The following MAS1 variants were observed in gnomAD, a reference collection of about 807,000 sequenced individuals.
MAS1 encodes the protein proto-oncogene Mas.
For synonymous variants in MAS1, 163 were observed against 164.2 expected (o/e 0.99, Z 0.05); for missense variants, 387 against 409.7 (o/e 0.94, Z 0.48).
At chr6:159,903,988 G>T (rs566347867) in intron 2 of MAS1, among the ~76,000 whole-genome samples, 1 of 152,088 alleles carries the variant, frequency 6.6e-6, no homozygotes, top group African/African-American at 2.4e-5. Flanking sequence ...ATCAAGTTCC[G>T]GGTCTCAGCC....
intron 1 of MAS1, among the ~76,000 whole-genome samples, chr6:159,895,741 CT>C (rs1782748124): frequency 6.6e-6 from 1 of 152,114 alleles, no homozygotes; most frequent in South Asian, 2.1e-4. Flanking sequence ...CATATATATG[CT>C]GTGAAAAAAA....
chr6:159,896,059 A>G (rs1190089876), intron 1 of MAS1, among the ~76,000 whole-genome samples: 2 of 152,386 alleles, frequency 1.3e-5, no homozygotes, highest in East Asian at 3.8e-4. Flanking sequence ...CTGTAATCCC[A>G]GCACTGCGGG....
At chr6:159,892,408 C>A (rs568194057) in intron 1 of MAS1, among the ~76,000 whole-genome samples, 5 of 152,324 alleles carry the variant, frequency 3.3e-5, no homozygotes, top group Admixed American at 6.5e-5. Flanking sequence ...GCCCACTCCC[C>A]CAGCCTGAGT....
rs1782944873 is a variant in MAS1, at chr6:159,909,800, C to A, written c.*1867C>A. On this transcript the variant is annotated 3_prime_UTR_variant, in exon 3 of 3. Transcript: ENST00000674077. Reference sequence around the variant, plus strand: ...ACTATCAGATACAAGGAATTTCTACCTAAGGAAAATATGGTGAACTAATAG... The same window carrying A: ...ACTATCAGATACAAGGAATTTCTACATAAGGAAAATATGGTGAACTAATAG... 6.6e-6 allele frequency: 1 copy of A among 152,058 alleles called. No individual in the cohort carries two copies. The highest frequency in any genetic ancestry group is 2.1e-4 in the South Asian group (1 of 4,822). The allele number at this position is 152,058 out of a possible 1,614,324, so 9.4% of individuals were successfully genotyped here. A position where few individuals can be genotyped will look rare whatever the true frequency, so the allele number is the denominator to read the frequency against.
intron 2 of MAS1, among the ~76,000 whole-genome samples, chr6:159,903,111 T>G (rs220726): frequency 1.3e-5 from 2 of 151,818 alleles, no homozygotes. Flanking sequence ...TCCCCTTCAG[T>G]GCCTTTAGTA....
At chr6:159,900,407 C>T (rs879166363) in intron 2 of MAS1, among the ~76,000 whole-genome samples, 1 of 152,180 alleles carries the variant, frequency 6.6e-6, no homozygotes, top group Non-Finnish European at 1.5e-5. Context: ...GCTAGGGTGA[C>T]GAGCACGTAG....
rs971943907 is a variant in MAS1 at position 159,911,622 on chromosome 6, G to T, written c.*3689G>T. ...TAGCAAACTCCATTTATCCATCTAC[G>T]TCCAGCTCAAGCATTAGAGACTCAG... On this transcript the variant is annotated 3_prime_UTR_variant, in exon 3 of 3. Coordinates refer to ENST00000674077, the MANE Select transcript of MAS1 (RefSeq NM_002377.4). 1 of 151,528 alleles carries T rather than the reference G, an allele frequency of 6.6e-6. No homozygotes were observed. Among genetic ancestry groups the T allele is most frequent in the Admixed American group, 6.6e-5 (1 of 15,198 alleles). 9.4% of individuals were successfully genotyped at this position (151,528 alleles called of 1,614,324 possible).
At chr6:159,901,925 A>G (rs1465457138) in intron 2 of MAS1, among the ~76,000 whole-genome samples, 3 of 152,110 alleles carry the variant, frequency 2.0e-5, no homozygotes, top group Non-Finnish European at 4.4e-5. Context: ...TTGTGAATTT[A>G]TTTGGAAACT....
upstream of MAS1, among the ~76,000 whole-genome samples, chr6:159,889,005 T>G (rs1233667745): frequency 6.6e-6 from 1 of 152,248 alleles, no homozygotes; most frequent in East Asian, 1.9e-4. Flanking sequence ...GCTTTGTTAG[T>G]GGTGCCAATT....
rs1475235512 is a variant in MAS1 at position 159,915,293 on chromosome 6, AC to A, written c.*7363del. On this transcript the variant is annotated 3_prime_UTR_variant, in exon 3 of 3. Transcript: ENST00000674077. ...ACAAGTAGAATATACTTATGTGACT[AC>A]CCGTACCCTTTCTCCAGCCTCCCTG... The A allele has an allele frequency of 6.6e-6, 1 of 152,194 alleles. No homozygotes were observed. The highest frequency in any genetic ancestry group is 2.4e-5 in the African/African-American group (1 of 41,448). The allele number at this position is 152,194 out of a possible 1,614,324, so 9.4% of individuals were successfully genotyped here. A position where few individuals can be genotyped will look rare whatever the true frequency, so the allele number is the denominator to read the frequency against.
rs967796064 is a variant in MAS1, at chr6:159,912,651, T to C, written c.*4718T>C. 2.0e-5 allele frequency: 3 copies of C among 152,228 alleles called. No homozygotes were observed. The highest frequency in any genetic ancestry group is 1.5e-5 in the Non-Finnish European group (1 of 68,030). The allele number at this position is 152,228 out of a possible 1,614,324, so 9.4% of individuals were successfully genotyped here. A position where few individuals can be genotyped will look rare whatever the true frequency, so the allele number is the denominator to read the frequency against. On this transcript the variant is annotated 3_prime_UTR_variant, in exon 3 of 3. Coordinates refer to ENST00000674077, the MANE Select transcript of MAS1 (RefSeq NM_002377.4). Reference sequence around the variant, plus strand: ...AAAACATTAGCAAATGTATCACTTATAAAATGGGTACCATCAGGCCTCCCC... The same window carrying C: ...AAAACATTAGCAAATGTATCACTTACAAAATGGGTACCATCAGGCCTCCCC...
At chr6:159,889,070 G>A (rs1049032257), upstream of MAS1, among the ~76,000 whole-genome samples, 1 of 152,180 alleles carries the variant, frequency 6.6e-6, no homozygotes, top group African/African-American at 2.4e-5. Context: ...GGCAAAGAGA[G>A]CCACCTCTTT....
intron 1 of MAS1, among the ~76,000 whole-genome samples, chr6:159,895,577 A>G (rs942028814): frequency 6.6e-6 from 1 of 152,248 alleles, no homozygotes; most frequent in African/African-American, 2.4e-5. Flanking sequence ...ATAGAGTATG[A>G]AAAAACAATC....
At chr6:159,898,521 T>TCCTCCTCCC (rs1562309830) in intron 1 of MAS1, among the ~76,000 whole-genome samples, 2 of 117,060 alleles carry the variant, frequency 1.7e-5, no homozygotes, top group African/African-American at 3.4e-5. Flanking sequence ...CTCCTCCTCC[T>TCCTCCTCCC]TCTTCCTCCT....
At chr6:159,892,520 A>C (rs1441847455) in intron 1 of MAS1, among the ~76,000 whole-genome samples, 1 of 152,006 alleles carries the variant, frequency 6.6e-6, no homozygotes, top group Non-Finnish European at 1.5e-5. Context: ...ATCTGGGGCC[A>C]TGGAAGGACT....
At position 159,907,401 on chromosome 6, in the gene MAS1, C is replaced by A; in HGVS notation, c.446C>A (p.Ser149Ter). 1 of 1,614,110 alleles carries A rather than the reference C, an allele frequency of 6.2e-7. No individual in the cohort carries two copies. Among genetic ancestry groups the A allele is most frequent in the Non-Finnish European group, 8.5e-7 (1 of 1,180,024 alleles). ...WYRCHRPKYQ[S>*]ALVCALLWAL... ...CGATGCCATCGCCCCAAGTACCAGT[C>A]GGCATTGGTCTGTGCCCTTCTGTGG... Residue 149 changes from serine to a stop codon, truncating the protein, a stop_gained, in exon 3 of 3, where the codon TCG (serine) becomes TAG (stop). Transcript: ENST00000674077. LOFTEE classifies it low-confidence loss of function (END_TRUNC).
intron 1 of MAS1, among the ~76,000 whole-genome samples, chr6:159,897,996 G>A (rs1032398092): frequency 2.7e-4 from 41 of 152,078 alleles, no homozygotes; most frequent in Admixed American, 7.9e-4. Flanking sequence ...GGGTTCAAGT[G>A]GTTCTCCTGC....
rs1352012577 is a variant in MAS1, at chr6:159,907,941, G to A, written c.*8G>A. ...GTTGAGACTGTCGTCTAAGAACTGT[G>A]AGGGAAGTTGTGGATAAAAATGGTG... On this transcript the variant is annotated 3_prime_UTR_variant, in exon 3 of 3. Transcript: ENST00000674077. 2.5e-6 allele frequency: 4 copies of A among 1,571,264 alleles called. No individual in the cohort carries two copies. The highest frequency in any genetic ancestry group is 3.5e-6 in the Non-Finnish European group (4 of 1,159,236).
chr6:159,889,219 G>A (rs944966743), upstream of MAS1, among the ~76,000 whole-genome samples: 4 of 152,206 alleles, frequency 2.6e-5, no homozygotes, highest in Admixed American at 6.5e-5. Context: ...GCAGCTTGTT[G>A]TCCTCTGCCC....
Sources: gnomAD v4.1 joint callset for allele counts (sites outside exome capture counted in the v4.1 genomes callset) on GRCh38, gnomAD v4.1.1 for gene constraint, MANE v1.5 for transcripts, NCBI Gene and HGNC (gene_info 2026-07-23, HGNC 2026-07-21) for gene names.